VRTN: variants seen among roughly 807,000 people sequenced by gnomAD.
VRTN encodes the protein vertnin.
VRTN carries 5 observed loss-of-function variants against 18.2 expected under a neutral mutation model. The ratio of observed to expected loss-of-function variants is 0.27; its 90% CI spans 0.14 to 0.58. The LOEUF is 0.58. VRTN is among the 20% of genes least tolerant of loss of function. The pLI, the probability that VRTN is intolerant of heterozygous loss-of-function variation, is 0.91. For synonymous variants in VRTN, 381 were observed against 393.7 expected (o/e 0.97, Z 0.38); for missense variants, 741 against 939.4 (o/e 0.79, Z 2.76).
In VRTN at chr14:74,336,227, G is replaced by GAGAA. The variant is rs956416122; in HGVS notation, c.-163-1494_-163-1491dup. Among the ~76,000 whole-genome samples the GAGAA allele has an allele frequency of 4.2e-4, 63 of 151,800 alleles. 1 individual carries two copies. The highest frequency in any genetic ancestry group is 1.4e-3 in the African/African-American group (60 of 41,474). ...GTTTGAGACCAGCCTGACCAACATG[G>GAGAA]AGAAACCCTGTCTCTACTAAAAATA... On this transcript the variant is annotated intron_variant, in intron 1 of 2. Transcript: ENST00000557177.
At chr14:74,348,788 G>GTA (rs2085661929) in intron 1 of VRTN, 136 bp downstream of exon 1, 1 of 152,402 alleles carries the variant, frequency 6.6e-6, no homozygotes, top group African/African-American at 2.4e-5. Context: ...TGAAGATGCT[G>GTA]TGGTGTATGT....
intron 1 of VRTN, 101 bp downstream of exon 1, chr14:74,348,753 G>A (rs1172704850): frequency 2.0e-5 from 3 of 152,374 alleles, no homozygotes; most frequent in Non-Finnish European, 4.4e-5. Flanking sequence ...GGACCCTACT[G>A]GGCCCAGGTC....
intron 1 of VRTN, among the ~76,000 whole-genome samples, chr14:74,316,041 T>A (rs2085417771): frequency 6.6e-6 from 1 of 152,158 alleles, no homozygotes. Flanking sequence ...TCAAAGGAGC[T>A]GATAGCTGAA....
In VRTN at chr14:74,358,829, C is replaced by A. The variant is rs760155115; in HGVS notation, c.2046C>A (p.Ala682=). 41 of 1,614,204 alleles carry A rather than the reference C, an allele frequency of 2.5e-5. No individual in the cohort carries two copies. The Middle Eastern group carries it at 4.9e-4, about 19-fold the overall frequency. ...TCAGTGCCCTCTTTCCCCTCACTGC[C>A]CGCTCCACATACTACATGTGGAAGC... ...KEFSALFPLT[A]RSTYYMWKRA... Residue 682 remains alanine, a synonymous_variant, in exon 2 of 2, where the codon GCC becomes GCA. Transcript: ENST00000256362. This position sits in a 1 kb window ranked among gnomAD's most constrained non-coding sequence, Gnocchi z 5.4.
chr14:74,316,406 GGGA>G (rs1163065140), intron 1 of VRTN, among the ~76,000 whole-genome samples: 1 of 151,762 alleles, frequency 6.6e-6, no homozygotes, highest in Non-Finnish European at 1.5e-5. Flanking sequence ...CCAGCTACTT[GGGA>G]GGCTGAGGCA....
intron 1 of VRTN, among the ~76,000 whole-genome samples, chr14:74,355,275 T>C (rs1051191113): frequency 6.6e-6 from 1 of 152,226 alleles, no homozygotes; most frequent in Non-Finnish European, 1.5e-5. Flanking sequence ...TCATTCATTT[T>C]TGAGAAAATA....
chr14:74,357,101 C>T lies in VRTN; in HGVS notation c.318C>T (p.Ala106=). The change falls in exon 2 of 2, where the codon GCC becomes GCT. Residue 106 remains alanine (A), a synonymous_variant. Coordinates refer to ENST00000256362, the MANE Select transcript of VRTN (RefSeq NM_018228.3). This position sits in a 1 kb window ranked among gnomAD's most constrained non-coding sequence, Gnocchi z 7.8. ...CAGGCCTCAGCCTGGAGCTGCGGGC[C>T]CGCACCGTGGTAGAGATGCTGCTGC... ...GDAGLSLELR[A]RTVVEMLLHR... The T allele has an allele frequency of 6.2e-7, 1 of 1,603,786 alleles. No individual in the cohort carries two copies. The highest frequency in any genetic ancestry group is 1.3e-5 in the African/African-American group (1 of 74,996).
chr14:74,332,637 G>A (rs998460459), intron 1 of VRTN, among the ~76,000 whole-genome samples: 2 of 151,896 alleles, frequency 1.3e-5, no homozygotes, highest in Non-Finnish European at 2.9e-5. Context: ...GATTACAGGC[G>A]TGACACCATG....
chr14:74,310,793 C>T (rs1024654893), intron 1 of VRTN, among the ~76,000 whole-genome samples: 1 of 152,066 alleles, frequency 6.6e-6, no homozygotes, highest in Admixed American at 6.6e-5. Flanking sequence ...CCACCTTGGC[C>T]TCCCGAAGTG....
intron 2 of VRTN, among the ~76,000 whole-genome samples, chr14:74,340,456 G>A (rs544408061): frequency 6.6e-6 from 1 of 151,744 alleles, no homozygotes; most frequent in African/African-American, 2.4e-5. Context: ...ATATTGGTCA[G>A]GCTGGTCTTG....
At chr14:74,324,387 C>CAAAAAAA (rs34158619) in intron 1 of VRTN, among the ~76,000 whole-genome samples, 3 of 73,180 alleles carry the variant, frequency 4.1e-5, no homozygotes, top group Non-Finnish European at 8.1e-5. Context: ...GACTCTGACT[C>CAAAAAAA]AAAAAAAAAA....
At chr14:74,337,518 G>A (rs1039203282) in intron 1 of VRTN, among the ~76,000 whole-genome samples, 1 of 152,108 alleles carries the variant, frequency 6.6e-6, no homozygotes, top group African/African-American at 2.4e-5. Flanking sequence ...GGGTGATTGG[G>A]AGACGTTGAG....
At chr14:74,336,043 A>C (rs2085561836) in intron 1 of VRTN, among the ~76,000 whole-genome samples, 1 of 151,432 alleles carries the variant, frequency 6.6e-6, no homozygotes. Flanking sequence ...ACCCAGCCTC[A>C]GATCTTCTTT....
At chr14:74,348,044 C>T (rs2085655143), upstream of VRTN, among the ~76,000 whole-genome samples, 1 of 152,174 alleles carries the variant, frequency 6.6e-6, no homozygotes, top group Admixed American at 6.5e-5. Flanking sequence ...TTGGTGAGAG[C>T]TGCCTCACAA....
chr14:74,308,866 G>GT lies in VRTN; in HGVS notation c.-164+5706dup, dbSNP rs11290399. ...TTGCCTATTGCTCCAACTTCTGTTT[G>GT]TTTTTTTTTTTTTTTTGAGACAGTC... On this transcript the variant is annotated intron_variant, in intron 1 of 2. Coordinates refer to the VRTN transcript ENST00000557177. Among the ~76,000 whole-genome samples the GT allele has an allele frequency of 1.8e-3, 257 of 144,740 alleles. 3 individuals carry two copies. Among genetic ancestry groups the GT allele is most frequent in the Admixed American group, 9.7e-3 (140 of 14,480 alleles). 95.0% of individuals were successfully genotyped at this position (144,740 alleles called of 152,430 possible). A position where few individuals can be genotyped will look rare whatever the true frequency, so the allele number is the denominator to read the frequency against.
At chr14:74,328,998 C>T (rs1338440644) in intron 1 of VRTN, among the ~76,000 whole-genome samples, 2 of 151,940 alleles carry the variant, frequency 1.3e-5, no homozygotes, top group African/African-American at 4.8e-5. Flanking sequence ...GGGCTGGGCA[C>T]GGTGGCTCAT....
chr14:74,356,690 G>A, intron 1 of VRTN, 93 bp from the exon 2 acceptor site: 1 of 1,452,340 alleles, frequency 6.9e-7, no homozygotes, highest in Non-Finnish European at 9.1e-7. Flanking sequence ...ATTACCTTTT[G>A]GGAGAAAGTG....
rs958263360 is a variant in VRTN, at chr14:74,324,405, A to G, written c.-163-13318A>G. 2.7e-4 allele frequency among the ~76,000 whole-genome samples: 41 copies of G among 150,908 alleles called. 1 individual carries two copies. The highest frequency in any genetic ancestry group is 1.1e-3 in the Admixed American group (17 of 15,124). On this transcript the variant is annotated intron_variant, in intron 1 of 2. Transcript: ENST00000557177. ...TCTGACTCAAAAAAAAAAAAAAAAAAAAAGAAGGATTTATTTTAATTTTAA... is the reference window on the plus strand; with the variant it reads ...TCTGACTCAAAAAAAAAAAAAAAAAGAAAGAAGGATTTATTTTAATTTTAA...
At chr14:74,321,313 T>C (rs1185227657) in intron 1 of VRTN, among the ~76,000 whole-genome samples, 3 of 152,122 alleles carry the variant, frequency 2.0e-5, no homozygotes, top group African/African-American at 7.2e-5. Context: ...TGTATGATTA[T>C]TTCCTTTAAC....
Sources: gnomAD v4.1 joint callset for allele counts (sites outside exome capture counted in the v4.1 genomes callset) on GRCh38, gnomAD v4.1.1 for gene constraint, Gnocchi (gnomAD v3.1) non-coding constraint, MANE v1.5 for transcripts, NCBI Gene and HGNC (gene_info 2026-07-23, HGNC 2026-07-21) for gene names.